Variants in ZFC3H1 observed in about 807,000 individuals in gnomAD.
The protein encoded by ZFC3H1 is zinc finger C3H1-type containing, also known as zinc finger C3H1 domain-containing protein.
In ZFC3H1, 71 loss-of-function variants were observed where a neutral mutation model predicts 243.7. That is an observed-to-expected ratio of 0.29 (90% CI 0.24 to 0.36). ZFC3H1 has a LOEUF of 0.36. Among genes scored for constraint, ZFC3H1 ranks in the 10% least tolerant of loss-of-function variants. The pLI is 1.00. For synonymous variants in ZFC3H1, 838 were observed against 813.0 expected (o/e 1.03, Z -0.52); for missense variants, 1,966 against 2,317.1 (o/e 0.85, Z 3.11).
At chr12:71,659,089 C>T (rs1881096857) in intron 1 of ZFC3H1, among the ~76,000 whole-genome samples, 1 of 152,100 alleles carries the variant, frequency 6.6e-6, no homozygotes. Context: ...TTCTCTCTAA[C>T]TTGTGAAATA....
intron 2 of ZFC3H1, among the ~76,000 whole-genome samples, chr12:71,655,509 TAA>T (rs1310872734): frequency 1.3e-5 from 2 of 152,076 alleles, no homozygotes; most frequent in Non-Finnish European, 2.9e-5. Context: ...GTACAACTTA[TAA>T]ATACTACAGA....
rs1408511020 is a variant in ZFC3H1 at position 71,632,482 on chromosome 12, T to C, written c.2850A>G (p.Pro950=). 2 of 1,592,322 alleles carry C rather than the reference T, an allele frequency of 1.3e-6. No individual in the cohort carries two copies. The highest frequency in any genetic ancestry group is 2.2e-5 in the South Asian group (2 of 89,142). ...PNKMMRLDSS[P]VSSPRKHSAE... ...CTGAATGCTTTCTTGGACTTGATAC[T>C]GGAGAACTGTCCAGTCTCATCATTT... Residue 950 remains proline, a synonymous_variant, in exon 15 of 35, where the codon CCA becomes CCG. Transcript: ENST00000378743.
chr12:71,613,771 C>T (rs1203991664), intron 30 of ZFC3H1: 2 of 170,784 alleles, frequency 1.2e-5, no homozygotes, highest in East Asian at 1.5e-4. Context: ...ATGGAATGCC[C>T]GTGTGTAAAT....
chr12:71,631,971 C>T lies in ZFC3H1; in HGVS notation c.3360+1G>A. The T allele has an allele frequency of 6.2e-7, 1 of 1,600,774 alleles. No individual in the cohort carries two copies. On this transcript the variant is annotated splice_donor_variant, in intron 15 of 34. Transcript: ENST00000378743. LOFTEE classifies it high-confidence loss of function. ...AAAGAAAATATGAAATGTTCAGTTA[C>T]CTGACCATGCAAAACCTTCTCTGTA...
At chr12:71,614,798 C>G (rs373125146) in intron 29 of ZFC3H1, 36 bp downstream of exon 29, 100 of 1,604,426 alleles carry the variant, frequency 6.2e-5, no homozygotes, top group Non-Finnish European at 8.2e-5. Flanking sequence ...CCCTTTATCC[C>G]CAAATCTCAT....
chr12:71,626,482 A>C (rs1880170750), intron 21 of ZFC3H1, 36 bp from the exon 22 acceptor site: 1 of 1,538,234 alleles, frequency 6.5e-7, no homozygotes, highest in African/African-American at 1.4e-5. Flanking sequence ...AGTGCTTTTT[A>C]GAACCTGCTT....
intron 7 of ZFC3H1, 127 bp downstream of exon 7, chr12:71,638,291 A>G (rs991383498): frequency 1.0e-4 from 91 of 874,160 alleles, no homozygotes; most frequent in Admixed American, 5.4e-4. Flanking sequence ...TACGTATTTC[A>G]TTGCTATTAA....
chr12:71,630,865 C>CG lies in ZFC3H1; in HGVS notation c.3559dup (p.Arg1187ProfsTer3). 6.2e-7 allele frequency: 1 copy of CG among 1,613,306 alleles called. No homozygotes were observed. Among genetic ancestry groups the CG allele is most frequent in the Non-Finnish European group, 8.5e-7 (1 of 1,179,558 alleles). ...ATTACATGTTCCTGTTAAATCAAAA[C>CG]GGCAGAAACACTGATCCGGTTCAAT... is the stretch of plus-strand genomic sequence containing the variant. On this transcript the variant is annotated frameshift_variant, in exon 17 of 35. Transcript: ENST00000378743. LOFTEE classifies it high-confidence loss of function.
At chr12:71,617,714 TG>T (rs1403507412) in intron 27 of ZFC3H1, among the ~76,000 whole-genome samples, 1 of 152,198 alleles carries the variant, frequency 6.6e-6, no homozygotes, top group African/African-American at 2.4e-5. Context: ...AAACTGAGTA[TG>T]GAGAAGCTGA....
At chr12:71,662,036 TCA>T (rs1881191896) in intron 1 of ZFC3H1, among the ~76,000 whole-genome samples, 1 of 152,234 alleles carries the variant, frequency 6.6e-6, no homozygotes, top group Non-Finnish European at 1.5e-5. Context: ...TTAAAAATCA[TCA>T]CACTATGTGA....
chr12:71,648,235 T>C (rs1173748882), intron 2 of ZFC3H1, among the ~76,000 whole-genome samples: 2 of 152,210 alleles, frequency 1.3e-5, no homozygotes, highest in African/African-American at 4.8e-5. Context: ...ACAGACTGTA[T>C]TGGATTTGTG....
Position 71,610,803 on chromosome 12 carries a change from A to G in ZFC3H1, c.5770-46T>C, listed in dbSNP as rs372426105. On this transcript the variant is annotated intron_variant, in intron 33 of 34. Coordinates refer to ENST00000378743, the MANE Select transcript of ZFC3H1 (RefSeq NM_144982.5). ...CAATTCCATCAGAAAATATAATGAA[A>G]AACACCTTCATAATTCCATCTGTTT... The G allele has an allele frequency of 2.9e-5, 45 of 1,555,816 alleles. No homozygotes were observed. In the East Asian group the frequency reaches 4.7e-4, roughly 16 times the overall value.
At chr12:71,656,651 T>G in intron 2 of ZFC3H1, 2 of 586,038 alleles carry the variant, frequency 3.4e-6, no homozygotes, top group South Asian at 2.4e-5. Flanking sequence ...TATTATCACT[T>G]ATGTATAACA....
chr12:71,611,152 T>C (rs1466456619), intron 32 of ZFC3H1, 55 bp from the exon 33 acceptor site: 29 of 1,475,642 alleles, frequency 2.0e-5, no homozygotes, highest in Non-Finnish European at 2.3e-5. Context: ...AAAATTTATA[T>C]ATCTTTGAAC....
rs1450593488 is a variant in ZFC3H1 at position 71,620,298 on chromosome 12, T to C, written c.4762A>G (p.Thr1588Ala). Reference sequence around the variant, plus strand: ...TCCTCAACAGCAAGGCTCTCATCTGTGCAAGCTTTCACTGCATCTACCCAA... The same window carrying C: ...TCCTCAACAGCAAGGCTCTCATCTGCGCAAGCTTTCACTGCATCTACCCAA... ...AVFEDAVKAC[T>A]DESLAVEERI... Residue 1588 changes from threonine (T) to alanine (A), a missense_variant, in exon 25 of 35, where the codon ACA becomes GCA. Thr to Ala is a moderately conservative substitution (Grantham distance 58). Around this residue, in one of 4 missense-constraint regions of ZFC3H1, gnomAD observed 1,383 missense variants for 1,723.7 expected, o/e 0.80. Transcript: ENST00000378743. The C allele has an allele frequency of 2.5e-5, 40 of 1,614,076 alleles. No individual in the cohort carries two copies. Among genetic ancestry groups the C allele is most frequent in the Non-Finnish European group, 3.2e-5 (38 of 1,180,038 alleles).
chr12:71,623,085 A>C (rs1441754183), intron 24 of ZFC3H1, among the ~76,000 whole-genome samples: 1 of 152,154 alleles, frequency 6.6e-6, no homozygotes, highest in Non-Finnish European at 1.5e-5. Flanking sequence ...AAACTTACAT[A>C]ATTTATTTTC....
rs771475216 is a variant in ZFC3H1 at position 71,624,215 on chromosome 12, G to A, written c.4395C>T (p.Ala1465=). The stretch of plus-strand genomic sequence containing the variant: ...ACAAAATATTGGATGTTTCCTGCTT[G>A]GCTGCTCCCATCAGAAACTCCAACA... The part of the protein sequence containing the change: ...ERMLEFLMGA[A]KQETSNILSF... Residue 1465 remains alanine (A), a synonymous_variant, in exon 23 of 35, where the codon GCC becomes GCT. Coordinates refer to ENST00000378743, the MANE Select transcript of ZFC3H1 (RefSeq NM_144982.5). 5 of 1,614,042 alleles carry A rather than the reference G, an allele frequency of 3.1e-6. No homozygotes were observed. The highest frequency in any genetic ancestry group is 2.5e-6 in the Non-Finnish European group (3 of 1,179,984).
chr12:71,656,613 C>A (rs1412793377), intron 2 of ZFC3H1: 1 of 611,112 alleles, frequency 1.6e-6, no homozygotes, highest in Non-Finnish European at 2.8e-6. Context: ...AAACCATTTT[C>A]TTTAAATTAG....
chr12:71,647,507 A>C (rs915380827), intron 3 of ZFC3H1, among the ~76,000 whole-genome samples: 1 of 152,036 alleles, frequency 6.6e-6, no homozygotes, highest in Non-Finnish European at 1.5e-5. Flanking sequence ...ACAAATGATT[A>C]AAAAAAAGAT....
Sources: gnomAD v4.1 joint callset for allele counts (sites outside exome capture counted in the v4.1 genomes callset) on GRCh38, gnomAD v4.1.1 for gene constraint, gnomAD v4.1.1 regional missense constraint, MANE v1.5 for transcripts, NCBI Gene and HGNC (gene_info 2026-07-23, HGNC 2026-07-21) for gene names.